DACH1: variants seen among roughly 807,000 people sequenced by gnomAD.
DACH1 encodes the protein dachshund family transcription factor 1.
In DACH1, 12 loss-of-function variants were observed where a neutral mutation model predicts 54.2. The observed-to-expected ratio is 0.22, with a 90% confidence interval of 0.14 to 0.36. DACH1 has a LOEUF of 0.36. DACH1 is among the 10% of genes least tolerant of loss of function. The pLI is 1.00. For missense variants in DACH1, 805 were observed against 929.8 expected (o/e 0.87, Z 1.75); for synonymous variants, 386 against 366.2 (o/e 1.05, Z -0.62).
chr13:71,788,708 G>A (rs763536124), intron 1 of DACH1, among the ~76,000 whole-genome samples: 12 of 151,940 alleles, frequency 7.9e-5, no homozygotes, highest in Non-Finnish European at 1.2e-4. Context: ...GACATGTGTG[G>A]CTAATGTATC....
intron 3 of DACH1, among the ~76,000 whole-genome samples, chr13:71,583,023 G>T (rs1213289968): frequency 6.6e-6 from 1 of 151,628 alleles, no homozygotes; most frequent in African/African-American, 2.4e-5. Context: ...TAAGAAAGAG[G>T]GTTAAAAACT....
chr13:71,627,312 C>A (rs192295215), intron 3 of DACH1, among the ~76,000 whole-genome samples: 193 of 82,700 alleles, frequency 2.3e-3, no homozygotes, highest in South Asian at 6.9e-3. Context: ...CATTTACAAT[C>A]AAGGAAAAAA....
At chr13:71,636,823 A>C (rs535972152) in intron 2 of DACH1, among the ~76,000 whole-genome samples, 2 of 152,100 alleles carry the variant, frequency 1.3e-5, no homozygotes, top group Non-Finnish European at 2.9e-5. Context: ...AATTTAAAAG[A>C]ATGAGCAAAT....
chr13:71,828,603 C>T (rs995981182), intron 1 of DACH1, among the ~76,000 whole-genome samples: 3 of 151,990 alleles, frequency 2.0e-5, no homozygotes, highest in Non-Finnish European at 4.4e-5. Flanking sequence ...ATCTCTAAAG[C>T]AAATCATTTT....
At chr13:71,801,853 A>G (rs1887302418) in intron 1 of DACH1, among the ~76,000 whole-genome samples, 2 of 152,138 alleles carry the variant, frequency 1.3e-5, no homozygotes, top group African/African-American at 2.4e-5. Flanking sequence ...GAAAAAAGAA[A>G]AAAAAAAAAA....
chr13:71,477,417 G>A (rs990387481), intron 8 of DACH1, among the ~76,000 whole-genome samples: 3 of 151,726 alleles, frequency 2.0e-5, no homozygotes, highest in East Asian at 1.9e-4. Flanking sequence ...CACCGTGCCC[G>A]GCCTATTATT....
chr13:71,854,149 T>G (rs1873848729), intron 1 of DACH1, among the ~76,000 whole-genome samples: 1 of 152,182 alleles, frequency 6.6e-6, no homozygotes, highest in African/African-American at 2.4e-5. Flanking sequence ...TAAAATACTG[T>G]AATTAAATAC....
intron 1 of DACH1, among the ~76,000 whole-genome samples, chr13:71,815,103 A>G (rs1005703498): frequency 6.6e-6 from 1 of 152,244 alleles, no homozygotes; most frequent in Non-Finnish European, 1.5e-5. Context: ...AATGACTACA[A>G]ATTAACTGTA....
At chr13:71,531,771 T>C (rs1031170137) in intron 6 of DACH1, among the ~76,000 whole-genome samples, 17 of 151,980 alleles carry the variant, frequency 1.1e-4, no homozygotes, top group African/African-American at 4.1e-4. Context: ...TTTTCGGAAG[T>C]GTTGTTCTCT....
chr13:71,604,777 G>A (rs1566372735), intron 3 of DACH1, among the ~76,000 whole-genome samples: 1 of 151,816 alleles, frequency 6.6e-6, no homozygotes, highest in Non-Finnish European at 1.5e-5. Flanking sequence ...TGCATCAAAA[G>A]CATTATCTTA....
At position 71,866,865 on chromosome 13, in the gene DACH1, CGAGGGGGG is replaced by C; in HGVS notation, c.-104_-97del. ...AGGGGAAAAAAGGGGGGAGAAGGAG[CGAGGGGGG>C]CAACAACAACTCCGGGAGAGAACGA... On this transcript the variant is annotated 5_prime_UTR_variant, in exon 1 of 11. Coordinates refer to ENST00000613252, the MANE Select transcript of DACH1 (RefSeq NM_080759.6). The C allele has an allele frequency of 6.9e-6, 7 of 1,011,810 alleles. No individual in the cohort carries two copies. Among genetic ancestry groups the C allele is most frequent in the Admixed American group, 5.0e-5 (1 of 19,998 alleles). The allele number at this position is 1,011,810 out of a possible 1,614,324, so 62.7% of individuals were successfully genotyped here. A position where few individuals can be genotyped will look rare whatever the true frequency, so the allele number is the denominator to read the frequency against.
chr13:71,731,388 T>A (rs1348761661), intron 1 of DACH1, among the ~76,000 whole-genome samples: 1 of 149,894 alleles, frequency 6.7e-6, no homozygotes, highest in African/African-American at 2.5e-5. Context: ...ACCTCCCGGG[T>A]TCATGCCATT....
intron 6 of DACH1, among the ~76,000 whole-genome samples, chr13:71,545,955 AGAG>A (rs1174578284): frequency 6.6e-6 from 1 of 152,130 alleles, no homozygotes; most frequent in Non-Finnish European, 1.5e-5. Context: ...ACTTAGAAGA[AGAG>A]CACAGAATGG....
intron 1 of DACH1, among the ~76,000 whole-genome samples, chr13:71,703,184 T>A (rs1453565545): frequency 6.6e-6 from 1 of 152,110 alleles, no homozygotes; most frequent in Admixed American, 6.6e-5. Flanking sequence ...TTATTCACAA[T>A]TAGCTATTCC....
At chr13:71,832,440 T>G (rs924122752) in intron 1 of DACH1, among the ~76,000 whole-genome samples, 1 of 151,904 alleles carries the variant, frequency 6.6e-6, no homozygotes, top group Non-Finnish European at 1.5e-5. Flanking sequence ...GTGTTTCGAT[T>G]TTTGTTTTTA....
chr13:71,781,343 T>G (rs979939786), intron 1 of DACH1, among the ~76,000 whole-genome samples: 1 of 144,674 alleles, frequency 6.9e-6, no homozygotes, highest in Admixed American at 7.3e-5. Flanking sequence ...AGATCTTTTT[T>G]ATTTTTATTT....
intron 1 of DACH1, among the ~76,000 whole-genome samples, chr13:71,770,859 T>C (rs1885825438): frequency 6.6e-6 from 1 of 151,538 alleles, no homozygotes. Flanking sequence ...AGTGCAATAC[T>C]GATCTTTCCT....
chr13:71,605,121 A>G (rs1874779875), intron 3 of DACH1, among the ~76,000 whole-genome samples: 1 of 151,984 alleles, frequency 6.6e-6, no homozygotes, highest in African/African-American at 2.4e-5. Context: ...GCTTGATTAG[A>G]TAAAACTCTT....
chr13:71,755,411 A>C (rs303969), intron 1 of DACH1, among the ~76,000 whole-genome samples: 135,151 of 152,160 alleles, frequency 0.89, 61,131 homozygotes, highest in Non-Finnish European at 0.98. Flanking sequence ...TCAGTGGGCC[A>C]GACGAAACTG....
Sources: allele counts gnomAD v4.1 joint callset (sites outside exome capture counted in the v4.1 genomes callset), GRCh38; gene constraint gnomAD v4.1.1; transcripts MANE v1.5; gene names NCBI Gene and HGNC (gene_info 2026-07-23, HGNC 2026-07-21).